Variants in TCF20 observed in about 807,000 individuals in gnomAD.
The protein encoded by TCF20 is transcription factor 20, also known as SPRE-binding protein.
Under a neutral mutation model 148.6 loss-of-function variants are expected in TCF20, and 3 were observed. The observed-to-expected ratio is 0.02, with a 90% CI of 0.01 to 0.05. TCF20 has a LOEUF of 0.05. Among genes scored for constraint, TCF20 ranks in the 10% least tolerant of loss-of-function variants. TCF20 has a pLI of 1.00. For synonymous variants in TCF20, 1,049 were observed against 909.5 expected (o/e 1.15, Z -2.76); for missense variants, 2,350 against 2,429.3 (o/e 0.97, Z 0.69).
intron 1 of TCF20, among the ~76,000 whole-genome samples, chr22:42,225,644 TACA>T (rs1373567140): frequency 6.8e-6 from 1 of 146,988 alleles, no homozygotes. Context: ...AAAAAAAAAT[TACA>T]ACCCTTGAAC....
intron 1 of TCF20, among the ~76,000 whole-genome samples, chr22:42,264,372 T>C (rs1926176184): frequency 6.6e-6 from 1 of 152,164 alleles, no homozygotes; most frequent in Non-Finnish European, 1.5e-5. Context: ...CATCTCCACA[T>C]TTTTTATCAG....
chr22:42,261,234 T>A (rs1926013217), intron 1 of TCF20, among the ~76,000 whole-genome samples: 1 of 151,850 alleles, frequency 6.6e-6, no homozygotes. Flanking sequence ...TGTTATCTAC[T>A]GTCTCGCTGA....
At chr22:42,305,972 C>T (rs1927424438) in intron 1 of TCF20, among the ~76,000 whole-genome samples, 1 of 152,218 alleles carries the variant, frequency 6.6e-6, no homozygotes, top group South Asian at 2.1e-4. Flanking sequence ...CCAGCAAAGG[C>T]TGGCATTGGC....
At chr22:42,235,598 A>G (rs916044003) in intron 1 of TCF20, among the ~76,000 whole-genome samples, 27 of 152,350 alleles carry the variant, frequency 1.8e-4, no homozygotes, top group East Asian at 7.7e-4. Context: ...AATTGCTTCC[A>G]CTATTAAATT....
intron 1 of TCF20, among the ~76,000 whole-genome samples, chr22:42,246,545 G>C (rs867122119): frequency 6.6e-6 from 1 of 152,166 alleles, no homozygotes; most frequent in African/African-American, 2.4e-5. Flanking sequence ...TTTCTCGTAC[G>C]TGTTTTTCTC....
At chr22:42,181,858 C>T (rs1936792020) in intron 2 of TCF20, among the ~76,000 whole-genome samples, 1 of 151,750 alleles carries the variant, frequency 6.6e-6, no homozygotes, top group African/African-American at 2.4e-5. Context: ...GCAATTCTCC[C>T]ATCTCAGCCT....
upstream of TCF20, among the ~76,000 whole-genome samples, chr22:42,271,584 C>T (rs1207087901): frequency 1.3e-5 from 2 of 152,326 alleles, no homozygotes; most frequent in East Asian, 1.9e-4. Context: ...GAGTAGGATG[C>T]GTTGAGAATT....
In TCF20 at chr22:42,297,148, C is replaced by T. The variant is rs1927251285; in HGVS notation, c.-37+46331G>A. On this transcript the variant is annotated intron_variant, in intron 1 of 1. Coordinates refer to the TCF20 transcript ENST00000515426. The surrounding 1 kb of genome is among the most constrained non-coding windows in gnomAD (Gnocchi z 4.3). ...CTACTGGTTCAGGCAGGCCTCAGTG[C>T]CCATACCCACAATGGATGGCCCAGC... Among the ~76,000 whole-genome samples, 1 of 152,180 alleles carries T rather than the reference C, an allele frequency of 6.6e-6. No individual in the cohort carries two copies. The highest frequency in any genetic ancestry group is 2.1e-4 in the South Asian group (1 of 4,834).
chr22:42,215,151 C>A lies in TCF20; in HGVS notation c.155G>T (p.Gly52Val), dbSNP rs1569155086. The A allele has an allele frequency of 1.9e-6, 3 of 1,614,102 alleles. No individual in the cohort carries two copies. The highest frequency in any genetic ancestry group is 1.7e-6 in the Non-Finnish European group (2 of 1,179,988). Residue 52 changes from glycine to valine, a missense_variant, in exon 2 of 6, where the codon GGC becomes GTC. Around this residue, in one of 7 missense-constraint regions of TCF20, gnomAD observed 1,641 missense variants for 1,662.6 expected, o/e 0.99. Coordinates refer to ENST00000677622, the MANE Select transcript of TCF20 (RefSeq NM_001378418.1). ...TCGTCGTCCACCACCACTGCCACTG[C>A]CACTGCTGCCACTACTGCCACCTGT... Reference protein sequence around the residue: ...GGTGGSSGSSGSGSGGGRRGA... With the variant: ...GGTGGSSGSSVSGSGGGRRGA...
chr22:42,312,766 G>C (rs1241514645), intron 1 of TCF20, among the ~76,000 whole-genome samples: 3 of 152,112 alleles, frequency 2.0e-5, no homozygotes, highest in Non-Finnish European at 4.4e-5. Context: ...TGAAGAGCCA[G>C]GAGCTGCAAG....
chr22:42,268,194 T>C (rs931158240), intron 1 of TCF20, among the ~76,000 whole-genome samples: 3 of 152,136 alleles, frequency 2.0e-5, no homozygotes, highest in Admixed American at 6.5e-5. Flanking sequence ...TTAAATAATA[T>C]ATAAAAATAA....
chr22:42,164,212 CTTTTT>C (rs56079117), intron 5 of TCF20, among the ~76,000 whole-genome samples: 2 of 83,552 alleles, frequency 2.4e-5, no homozygotes, highest in East Asian at 3.4e-4. Flanking sequence ...TCATTTCTTT[CTTTTT>C]TTTTTTTTTT....
At chr22:42,221,129 A>G (rs1411923883) in intron 1 of TCF20, among the ~76,000 whole-genome samples, 5 of 152,216 alleles carry the variant, frequency 3.3e-5, no homozygotes, top group Non-Finnish European at 7.3e-5. Flanking sequence ...GTTTGCAATG[A>G]GAAGTGCAAG....
chr22:42,253,775 A>C (rs1925563968), intron 1 of TCF20, among the ~76,000 whole-genome samples: 1 of 152,180 alleles, frequency 6.6e-6, no homozygotes, highest in Non-Finnish European at 1.5e-5. Flanking sequence ...CATGAACCAA[A>C]GAGAAAAAAG....
At chr22:42,173,350 G>C (rs1244176921) in intron 3 of TCF20, among the ~76,000 whole-genome samples, 2 of 152,048 alleles carry the variant, frequency 1.3e-5, no homozygotes, top group African/African-American at 4.8e-5. Context: ...AGCTGACCAT[G>C]ATGTCAGAAA....
At chr22:42,323,421 T>C (rs1418471136) in intron 1 of TCF20, among the ~76,000 whole-genome samples, 2 of 151,378 alleles carry the variant, frequency 1.3e-5, no homozygotes, top group African/African-American at 4.8e-5. Context: ...CCCTCAGAGG[T>C]CATTAGCATC....
At chr22:42,236,685 CAA>C (rs1164686721) in intron 1 of TCF20, among the ~76,000 whole-genome samples, 3 of 152,122 alleles carry the variant, frequency 2.0e-5, no homozygotes, top group Non-Finnish European at 4.4e-5. Flanking sequence ...ATAAAAAAGT[CAA>C]AGAGACACAA....
intron 3 of TCF20, among the ~76,000 whole-genome samples, chr22:42,171,834 C>T (rs958530771): frequency 2.0e-5 from 3 of 152,174 alleles, no homozygotes; most frequent in African/African-American, 4.8e-5. Context: ...GGCTGGGCCA[C>T]GCTTACGCCA....
rs371104268 is a variant in TCF20, at chr22:42,247,156, C to G, written c.-37+23183G>C. The stretch of plus-strand genomic sequence containing the variant: ...TATAACTATCTCAAAAGATGGAGAA[C>G]AGGCTGCACGCGGTGGCTCATACCT... On this transcript the variant is annotated intron_variant, in intron 1 of 5. Coordinates refer to ENST00000677622, the MANE Select transcript of TCF20 (RefSeq NM_001378418.1). Among the ~76,000 whole-genome samples, 8 of 151,592 alleles carry G rather than the reference C, an allele frequency of 5.3e-5. No individual in the cohort carries two copies. In the East Asian group the frequency reaches 1.6e-3, roughly 30 times the overall value.
Sources: allele counts gnomAD v4.1 joint callset (sites outside exome capture counted in the v4.1 genomes callset), GRCh38; gene constraint gnomAD v4.1.1; regional missense constraint gnomAD v4.1.1; non-coding constraint Gnocchi (gnomAD v3.1); transcripts MANE v1.5; gene names NCBI Gene and HGNC (gene_info 2026-07-23, HGNC 2026-07-21).